Variants in PRDM1 observed in about 807,000 individuals in gnomAD.
The protein encoded by PRDM1 is PR/SET domain 1.
PRDM1 carries 13 observed loss-of-function variants against 62.8 expected under a neutral mutation model. That is an observed-to-expected ratio of 0.21 (90% CI 0.13 to 0.33). The LOEUF (loss-of-function observed/expected upper bound fraction) is 0.33, where lower values mean the gene tolerates loss of function less well. PRDM1 is among the 10% of genes least tolerant of loss of function. The probability of loss-of-function intolerance (pLI) is 1.00; values close to 1 mark genes in which losing one functional copy is unlikely to be tolerated. For missense variants in PRDM1, 895 were observed against 1,058.8 expected (o/e 0.85, Z 2.15); for synonymous variants, 396 against 417.6 (o/e 0.95, Z 0.63).
upstream of PRDM1, among the ~76,000 whole-genome samples, chr6:105,993,187 C>T (rs1772300403): frequency 6.6e-6 from 1 of 152,206 alleles, no homozygotes; most frequent in Admixed American, 6.5e-5. Context: ...GTTAATTATG[C>T]ATAACTCAGT....
chr6:106,064,125 T>A (rs1773389833), intron 1 of PRDM1, among the ~76,000 whole-genome samples: 2 of 152,190 alleles, frequency 1.3e-5, no homozygotes, highest in African/African-American at 4.8e-5. Flanking sequence ...TTATATCAGC[T>A]GGAGGTAGGA....
intron 1 of PRDM1, among the ~76,000 whole-genome samples, chr6:106,032,806 A>C (rs1464074241): frequency 6.6e-6 from 1 of 152,122 alleles, no homozygotes; most frequent in Non-Finnish European, 1.5e-5. Flanking sequence ...CCCTCATACA[A>C]TTTGGCACCT....
intron 2 of PRDM1, among the ~76,000 whole-genome samples, chr6:106,091,104 A>C (rs1773948448): frequency 6.6e-6 from 1 of 152,192 alleles, no homozygotes; most frequent in Admixed American, 6.5e-5. Context: ...TCCTCCTGAA[A>C]TAATCTCTTA....
At chr6:106,002,211 A>G (rs2092113379) in intron 1 of PRDM1, among the ~76,000 whole-genome samples, 1 of 152,208 alleles carries the variant, frequency 6.6e-6, no homozygotes, top group African/African-American at 2.4e-5. Context: ...GTCATTAAGC[A>G]GAGGTAGAAC....
At chr6:106,008,676 G>A (rs1325355054) in intron 1 of PRDM1, among the ~76,000 whole-genome samples, 1 of 152,188 alleles carries the variant, frequency 6.6e-6, no homozygotes, top group Non-Finnish European at 1.5e-5. Context: ...CTGAGTGTGA[G>A]AGGGAGGGTG....
chr6:106,019,446 T>TA (rs201174927), intron 1 of PRDM1, among the ~76,000 whole-genome samples: 4,079 of 147,580 alleles, frequency 0.028, 85 homozygotes, highest in Non-Finnish European at 0.043. Context: ...TCCCTATAAT[T>TA]AAAAAAAAAA....
Position 106,109,398 on chromosome 6 carries a change from A to G in PRDM1, c.*1912A>G, listed in dbSNP as rs1270615718. 1 of 233,170 alleles carries G rather than the reference A, an allele frequency of 4.3e-6. No individual in the cohort carries two copies. Among genetic ancestry groups the G allele is most frequent in the Non-Finnish European group, 8.5e-6 (1 of 117,846 alleles). The allele number at this position is 233,170 out of a possible 1,614,324, so 14.4% of individuals were successfully genotyped here. Reference sequence around the variant, plus strand: ...TTTTCTGTTTTCCTCCTTACTAAATACTGATACATTACTCCAATCTATTTT... The same window carrying G: ...TTTTCTGTTTTCCTCCTTACTAAATGCTGATACATTACTCCAATCTATTTT... On this transcript the variant is annotated 3_prime_UTR_variant, in exon 7 of 7. Transcript: ENST00000369096.
intron 1 of PRDM1, among the ~76,000 whole-genome samples, chr6:106,032,539 G>C (rs1772859308): frequency 6.6e-6 from 1 of 152,148 alleles, no homozygotes; most frequent in Admixed American, 6.5e-5. Context: ...CTGGGTTCAA[G>C]CAATTCTCCT....
chr6:105,998,929 ATATAT>A (rs1269815423), intron 1 of PRDM1, among the ~76,000 whole-genome samples: 2 of 2,108 alleles, frequency 9.5e-4, no homozygotes, highest in African/African-American at 2.1e-3. Flanking sequence ...ATATATATAT[ATATAT>A]TTTTTTTTTT....
chr6:105,998,640 T>G (rs1772380167), intron 1 of PRDM1, among the ~76,000 whole-genome samples: 1 of 152,102 alleles, frequency 6.6e-6, no homozygotes, highest in Admixed American at 6.5e-5. Context: ...AAGTTTTTTC[T>G]TCAGTCAGAC....
Position 106,009,322 on chromosome 6 carries a change from G to A in PRDM1, c.-67+15683G>A, listed in dbSNP as rs148799874. On this transcript the variant is annotated intron_variant, in intron 1 of 6. Coordinates refer to the PRDM1 transcript ENST00000652320. ...AATTTATAGTGTGGCAAATATTTAC[G>A]TGGATTTTTTAGGATGACTTTCGCT... Among the ~76,000 whole-genome samples, 10 of 152,322 alleles carry A rather than the reference G, an allele frequency of 6.6e-5. No individual in the cohort carries two copies. The East Asian group carries it at 1.2e-3, about 18-fold the overall frequency.
intron 1 of PRDM1, among the ~76,000 whole-genome samples, chr6:105,996,180 G>A (rs1335312725): frequency 6.6e-6 from 1 of 152,044 alleles, no homozygotes; most frequent in African/African-American, 2.4e-5. Flanking sequence ...ATATGCTTAA[G>A]CAACTCTTCA....
intron 2 of PRDM1, among the ~76,000 whole-genome samples, chr6:106,092,130 G>GAAAAAAA (rs771530930): frequency 1.6e-5 from 1 of 61,372 alleles, no homozygotes; most frequent in Non-Finnish European, 3.5e-5. Context: ...GAAGGAATTT[G>GAAAAAAA]AAAAAAAAAA....
chr6:106,048,167 C>G (rs1773109499), upstream of PRDM1, among the ~76,000 whole-genome samples: 1 of 145,670 alleles, frequency 6.9e-6, no homozygotes, highest in Admixed American at 7.2e-5. Flanking sequence ...TTGCTTGAAG[C>G]TAGGAGCTCA....
chr6:106,101,132 T>A (rs1377660918), intron 4 of PRDM1, among the ~76,000 whole-genome samples: 1 of 152,186 alleles, frequency 6.6e-6, no homozygotes, highest in Non-Finnish European at 1.5e-5. Context: ...CACAGCTCCC[T>A]CCTGGCTTTC....
chr6:106,109,505 C>G lies in PRDM1; in HGVS notation c.*2019C>G, dbSNP rs1431261770. On this transcript the variant is annotated 3_prime_UTR_variant, in exon 7 of 7. Transcript: ENST00000369096. The stretch of plus-strand genomic sequence containing the variant: ...AAATTTCGAATAATCCAGGGAAACC[C>G]AAGAGCCTTACTGGTCTTCTGTAAC... The G allele has an allele frequency of 1.3e-5, 3 of 233,498 alleles. No homozygotes were observed. Among genetic ancestry groups the G allele is most frequent in the African/African-American group, 6.6e-5 (3 of 45,312 alleles). 14.5% of individuals were successfully genotyped at this position (233,498 alleles called of 1,614,324 possible).
upstream of PRDM1, chr6:106,086,315 G>A: frequency 2.3e-6 from 1 of 441,864 alleles, no homozygotes; most frequent in Non-Finnish European, 4.0e-6. Flanking sequence ...ATCTTAAGCA[G>A]GGAGGGGAAG....
chr6:106,044,873 G>A (rs1015259053), upstream of PRDM1, among the ~76,000 whole-genome samples: 7 of 152,132 alleles, frequency 4.6e-5, no homozygotes, highest in Admixed American at 3.9e-4. Context: ...GAGTTAATAC[G>A]TAGACACTTT....
At chr6:106,021,040 C>T (rs1772691651) in intron 1 of PRDM1, among the ~76,000 whole-genome samples, 1 of 152,102 alleles carries the variant, frequency 6.6e-6, no homozygotes, top group South Asian at 2.1e-4. Context: ...TTAATAAGTA[C>T]AGTAAAAAGT....
Sources: allele counts gnomAD v4.1 joint callset (sites outside exome capture counted in the v4.1 genomes callset), GRCh38; gene constraint gnomAD v4.1.1; transcripts MANE v1.5; gene names NCBI Gene and HGNC (gene_info 2026-07-23, HGNC 2026-07-21).